The following ZNF185 variants were observed in gnomAD, a reference collection of about 807,000 sequenced individuals.
ZNF185 encodes zinc finger protein 185.
ZNF185 carries 56 observed loss-of-function variants against 58.6 expected under a neutral mutation model. The ratio of observed to expected loss-of-function variants is 0.95; its 90% CI spans 0.77 to 1.19. ZNF185 has a LOEUF of 1.19. Among genes scored for constraint, ZNF185 ranks in the 50% most tolerant of loss-of-function variants. The probability of loss-of-function intolerance (pLI) is 0.00; values close to 1 mark genes in which losing one functional copy is unlikely to be tolerated. For synonymous variants in ZNF185, 230 were observed against 215.9 expected, an observed-to-expected ratio of 1.07 and a Z score of -0.57; for missense variants, 627 against 573.5, an observed-to-expected ratio of 1.09 and a Z score of -0.95.
chrX:152,963,303 A>G (rs1556911729), intron 17 of ZNF185, among the ~76,000 whole-genome samples: 2 of 112,663 alleles, frequency 1.8e-5, no homozygotes, highest in African/African-American at 6.4e-5. Context: ...GGTTCAGAAA[A>G]ACTTCGACAC....
At chrX:152,919,641 A>G (rs1939296548) in intron 7 of ZNF185, among the ~76,000 whole-genome samples, 1 of 112,107 alleles carries the variant, frequency 8.9e-6, no homozygotes, top group Admixed American at 9.4e-5. Flanking sequence ...ATGGGGACTG[A>G]CCACATACCA....
At chrX:152,951,949 G>T (rs1005206527) in intron 16 of ZNF185, among the ~76,000 whole-genome samples, 1 of 112,235 alleles carries the variant, frequency 8.9e-6, no homozygotes. Context: ...TTACCAAAAA[G>T]ATTTTAGAAA....
Position 152,936,932 on chromosome X carries a change from C to T in ZNF185, c.1122-1142C>T, listed in dbSNP as rs962150289. Among the ~76,000 whole-genome samples, 3 of 111,003 alleles carry T rather than the reference C, an allele frequency of 2.7e-5. No homozygotes were observed. In the Admixed American group the frequency reaches 2.9e-4, roughly 11 times the overall value. The stretch of plus-strand genomic sequence containing the variant: ...GGGCTCAGTTCCCAGGAGCACAGGA[C>T]CGGTGGCTGGGATGGGCAAAAATGG... On this transcript the variant is annotated intron_variant, in intron 14 of 22. Coordinates refer to ENST00000449285, the Ensembl canonical transcript of ZNF185.
In ZNF185 at chrX:152,921,961, C is replaced by A. The variant is rs368010999; in HGVS notation, c.657-212C>A. 6.3e-5 allele frequency among the ~76,000 whole-genome samples: 7 copies of A among 111,533 alleles called. No individual in the cohort carries two copies. The East Asian group carries it at 2.0e-3, about 31-fold the overall frequency. On this transcript the variant is annotated intron_variant, in intron 9 of 22. Transcript: ENST00000449285. ...CAAATAAGGTTACAGTCACAGGTTC[C>A]AGGGGACATGAATTTTGGGGGGACA...
the ZNF185 span, among the ~76,000 whole-genome samples, chrX:152,903,273 C>G: frequency 9.4e-6 from 1 of 106,792 alleles, no homozygotes; most frequent in South Asian, 4.2e-4. Context: ...TCTGTAATCC[C>G]GGCCACTAGG....
chrX:152,906,319 G>C, the ZNF185 span, among the ~76,000 whole-genome samples: 5 of 113,018 alleles, frequency 4.4e-5, no homozygotes, highest in Non-Finnish European at 9.4e-5. Flanking sequence ...GTTTCTGCTG[G>C]AGTGATGGGG....
chrX:152,948,089 T>C (rs142144427), intron 16 of ZNF185, among the ~76,000 whole-genome samples: 58 of 111,407 alleles, frequency 5.2e-4, no homozygotes, highest in Middle Eastern at 9.2e-3. Flanking sequence ...TTTGGATAAA[T>C]GGAAGAATCA....
chrX:152,941,581 G>A, intron 15 of ZNF185: 1 of 1,042,303 alleles, frequency 9.6e-7, no homozygotes, highest in East Asian at 3.7e-5. Context: ...CGTACGCGAC[G>A]CGTGCGCGCC....
chrX:152,902,859 G>T, the ZNF185 span, among the ~76,000 whole-genome samples: 1 of 111,973 alleles, frequency 8.9e-6, no homozygotes, highest in Non-Finnish European at 1.9e-5. Flanking sequence ...AGGGGAGAAG[G>T]AGGATAGGGA....
intron 15 of ZNF185, 91 bp downstream of exon 17, chrX:152,938,254 C>T (rs955247438): frequency 3.0e-5 from 28 of 931,457 alleles, no homozygotes; most frequent in Non-Finnish European, 3.9e-5. Context: ...GAAGGTGAGG[C>T]CAGCAAGGTT....
intron 15 of ZNF185, among the ~76,000 whole-genome samples, chrX:152,942,678 G>C (rs2047355530): frequency 1.8e-5 from 2 of 112,120 alleles, no homozygotes; most frequent in Admixed American, 9.4e-5. Flanking sequence ...TCTAGAACAT[G>C]CTGTTTTCCT....
intron 14 of ZNF185, among the ~76,000 whole-genome samples, chrX:152,937,237 C>T (rs782413192): frequency 2.7e-5 from 3 of 111,792 alleles, no homozygotes; most frequent in East Asian, 2.8e-4. Flanking sequence ...GAAGAACACT[C>T]GAGAGATAGC....
At chrX:152,968,836 G>A (rs1418219235) in intron 20 of ZNF185, among the ~76,000 whole-genome samples, 2 of 112,534 alleles carry the variant, frequency 1.8e-5, no homozygotes, top group East Asian at 5.6e-4. Flanking sequence ...TCCTGGAACT[G>A]GAAAGATGCT....
chrX:152,959,945 T>C (rs371041437), intron 17 of ZNF185, 49 bp downstream of exon 19: 19 of 1,141,848 alleles, frequency 1.7e-5, no homozygotes, highest in Non-Finnish European at 1.8e-5. Flanking sequence ...CCAGTGTTTT[T>C]GTCCAGGGCA....
Position 152,941,674 on chromosome X carries a change from G to A in ZNF185, c.1211+3511G>A, listed in dbSNP as rs1241476217. ...TTGAAGCCCCGAACTCGGTCGCAGT[G>A]CCCGCCGGGAAAATGCGACCGTCCA... On this transcript the variant is annotated intron_variant, in intron 15 of 22. Transcript: ENST00000449285. 4.3e-6 allele frequency: 5 copies of A among 1,161,516 alleles called. No individual in the cohort carries two copies. In the Admixed American group the frequency reaches 7.8e-5, roughly 18 times the overall value.
At chrX:152,960,650 T>G (rs1166014453) in intron 17 of ZNF185, among the ~76,000 whole-genome samples, 1 of 112,602 alleles carries the variant, frequency 8.9e-6, no homozygotes, top group Admixed American at 9.4e-5. Flanking sequence ...TAGCATATTT[T>G]TTCACATTTG....
intron 15 of ZNF185, among the ~76,000 whole-genome samples, chrX:152,939,842 G>A (rs1439227686): frequency 9.8e-6 from 1 of 102,344 alleles, no homozygotes; most frequent in African/African-American, 3.6e-5. Context: ...GGGTGCAGTG[G>A]CGCAATCTCG....
intron 16 of ZNF185, among the ~76,000 whole-genome samples, chrX:152,953,420 G>T (rs2048488635): frequency 8.9e-6 from 1 of 112,062 alleles, no homozygotes; most frequent in East Asian, 2.8e-4. Flanking sequence ...CTCTGGGCAG[G>T]GTGCAATGGC....
At chrX:152,924,842 G>A (rs975959732) in intron 11 of ZNF185, among the ~76,000 whole-genome samples, 3 of 111,899 alleles carry the variant, frequency 2.7e-5, no homozygotes, top group Non-Finnish European at 3.8e-5. Context: ...ACGCGACCAC[G>A]CCCGGCTAAT....
Sources: gnomAD v4.1 joint callset for allele counts (sites outside exome capture counted in the v4.1 genomes callset) on GRCh38, gnomAD v4.1.1 for gene constraint, MANE v1.5 for transcripts, NCBI Gene and HGNC (gene_info 2026-07-23, HGNC 2026-07-21) for gene names.